ZNF397: variants seen among roughly 807,000 people sequenced by gnomAD.
ZNF397 encodes zinc finger and SCAN domain-containing protein 15.
A neutral mutation model predicts 50.6 loss-of-function variants in ZNF397; 38 were observed. The observed-to-expected ratio is 0.75, with a 90% CI of 0.58 to 0.98. The LOEUF (loss-of-function observed/expected upper bound fraction) is 0.98, where lower values mean the gene tolerates loss of function less well. ZNF397 is among the 50% of genes least tolerant of loss of function. The probability of loss-of-function intolerance (pLI) is 0.00; values close to 1 mark genes in which losing one functional copy is unlikely to be tolerated. For missense variants in ZNF397, 624 were observed against 624.1 expected (o/e 1.00, Z 0.00); for synonymous variants, 228 against 215.2 (o/e 1.06, Z -0.52).
rs2043472845 is a variant in ZNF397 at position 35,245,959 on chromosome 18, T to C, written c.1254T>C (p.Ile418=). The C allele has an allele frequency of 8.8e-6, 14 of 1,582,222 alleles. No homozygotes were observed. Among genetic ancestry groups the C allele is most frequent in the Non-Finnish European group, 1.2e-5 (14 of 1,163,964 alleles). ...CAAAACTCATTAGACATCAGCGAAT[T>C]CACACAGGAGAGAGACCCTATGAAT... is the stretch of plus-strand genomic sequence containing the variant. ...QSSKLIRHQR[I]HTGERPYECN... Residue 418 remains isoleucine (I), a synonymous_variant, in exon 4 of 4, where the codon ATT becomes ATC. Transcript: ENST00000330501.
chr18:35,250,768 A>G (rs1162254733), downstream of ZNF397, among the ~76,000 whole-genome samples: 1 of 152,202 alleles, frequency 6.6e-6, no homozygotes, highest in East Asian at 1.9e-4. Context: ...TAAAGGGAAG[A>G]GAGAGTCCTA....
chr18:35,251,858 GACTAAT>G (rs1159978266), downstream of ZNF397: 1 of 151,762 alleles, frequency 6.6e-6, no homozygotes, highest in Non-Finnish European at 1.5e-5. Flanking sequence ...TGTGAAAATG[GACTAAT>G]ACAAGCAGTG....
intron 5 of ZNF397, chr18:35,255,031 A>AC (rs1296741897): frequency 3.9e-5 from 6 of 153,766 alleles, no homozygotes; most frequent in Middle Eastern, 1.3e-3. Flanking sequence ...ACTTTAAAAA[A>AC]AATTTTGCAC....
rs1187372967 is a variant in ZNF397 at position 35,241,061 on chromosome 18, T to G, written c.-129T>G. 2.0e-5 allele frequency: 3 copies of G among 152,354 alleles called. No homozygotes were observed. The allele number at this position is 152,354 out of a possible 1,614,324, so 9.4% of individuals were successfully genotyped here. A position where few individuals can be genotyped will look rare whatever the true frequency, so the allele number is the denominator to read the frequency against. On this transcript the variant is annotated 5_prime_UTR_variant, in exon 1 of 4. Coordinates refer to ENST00000330501, the MANE Select transcript of ZNF397 (RefSeq NM_001135178.3). ...ACGCGCACTTCCGGTCTTTGTGGCT[T>G]GCAGCTCGGGGTGGGTGGCTCATTT... is the stretch of plus-strand genomic sequence containing the variant.
At position 35,248,659 on chromosome 18, in the gene ZNF397, A is replaced by G. The variant is rs1137281; in HGVS notation, c.*2349A>G. On this transcript the variant is annotated 3_prime_UTR_variant, in exon 4 of 4. Transcript: ENST00000330501. Reference sequence around the variant, plus strand: ...AGTTCAAGCCGAGCCTGGGCAGCATAGTGAGACCCCATCTCTACAAAAAAT... The same window carrying G: ...AGTTCAAGCCGAGCCTGGGCAGCATGGTGAGACCCCATCTCTACAAAAAAT... 6.6e-6 allele frequency: 1 copy of G among 152,296 alleles called. No homozygotes were observed. The highest frequency in any genetic ancestry group is 2.1e-4 in the South Asian group (1 of 4,824). The allele number at this position is 152,296 out of a possible 1,614,324, so 9.4% of individuals were successfully genotyped here. A position where few individuals can be genotyped will look rare whatever the true frequency, so the allele number is the denominator to read the frequency against.
intron 3 of ZNF397, 127 bp downstream of exon 3, chr18:35,243,420 G>T: frequency 7.2e-7 from 1 of 1,380,368 alleles, no homozygotes; most frequent in Non-Finnish European, 1.0e-6. Flanking sequence ...AACCAGAGGT[G>T]CTCGCTTTAG....
At chr18:35,255,476 GAGTT>G (rs1450095973) in intron 5 of ZNF397, among the ~76,000 whole-genome samples, 2 of 151,984 alleles carry the variant, frequency 1.3e-5, no homozygotes, top group East Asian at 3.9e-4. Flanking sequence ...TAATTGCTAA[GAGTT>G]AGGATTCAAA....
chr18:35,253,348 A>G, downstream of ZNF397: 1 of 881,792 alleles, frequency 1.1e-6, no homozygotes, highest in Non-Finnish European at 1.7e-6. Context: ...CTGGGAGGGA[A>G]GGACAGAAGT....
Position 35,245,716 on chromosome 18 carries a change from T to TGAATTCACA in ZNF397, c.1013_1014insATTCACAGA (p.Glu338_Lys339insPheThrGlu). On this transcript the variant is annotated inframe_insertion, in exon 4 of 4. Transcript: ENST00000330501. ...TTATTCATCAGAGAATTCATAGTGG[T>TGAATTCACA]GAGAAAGCATATGAATGTAGTGAAT... 6.4e-7 allele frequency: 1 copy of TGAATTCACA among 1,552,068 alleles called. No individual in the cohort carries two copies. Among genetic ancestry groups the TGAATTCACA allele is most frequent in the South Asian group, 1.2e-5 (1 of 84,068 alleles).
rs192050328 is a variant in ZNF397 at position 35,245,446 on chromosome 18, C to T, written c.741C>T (p.Ile247=). ...PSQGGSFSQV[I]FTNKSLGKRD... is the part of the protein sequence containing the mutation. ...AAGGGGGCAGTTTTAGTCAAGTGATCTTCACAAACAAATCTCTAGGAAAGA... is the reference window on the plus strand; with the variant it reads ...AAGGGGGCAGTTTTAGTCAAGTGATTTTCACAAACAAATCTCTAGGAAAGA... Residue 247 remains isoleucine (I), a synonymous_variant, in exon 4 of 4, where the codon ATC becomes ATT. Coordinates refer to ENST00000330501, the MANE Select transcript of ZNF397 (RefSeq NM_001135178.3). 4 of 1,557,330 alleles carry T rather than the reference C, an allele frequency of 2.6e-6. No homozygotes were observed. The African/African-American group carries it at 4.1e-5, about 16-fold the overall frequency.
chr18:35,254,055 C>T (rs759585403), downstream of ZNF397: 21 of 1,613,992 alleles, frequency 1.3e-5, no homozygotes, highest in East Asian at 2.7e-4. Flanking sequence ...CTAGTGTCAA[C>T]GCTCTGTTGT....
At position 35,245,595 on chromosome 18, in the gene ZNF397, A is replaced by G; in HGVS notation, c.890A>G (p.His297Arg). The G allele has an allele frequency of 1.9e-6, 3 of 1,553,446 alleles. No individual in the cohort carries two copies. Among genetic ancestry groups the G allele is most frequent in the Non-Finnish European group, 1.7e-6 (2 of 1,147,770 alleles). Residue 297 changes from histidine to arginine, a missense_variant, in exon 4 of 4, where the codon CAT becomes CGT. Transcript: ENST00000330501. ...GTATGTGGGCACAGCTTCAAGCAGC[A>G]TTCCTCTCTAACACAACATCAGAGA... is the stretch of plus-strand genomic sequence containing the variant. ...CDVCGHSFKQ[H>R]SSLTQHQRIH...
downstream of ZNF397, chr18:35,258,828 CCACTG>C (rs1674272704): frequency 7.7e-6 from 1 of 129,602 alleles, no homozygotes; most frequent in Non-Finnish European, 1.5e-5. Context: ...CAAGATCACA[CCACTG>C]CACTCTAGCT....
chr18:35,254,303 G>A (rs775943652), downstream of ZNF397: 18 of 1,614,046 alleles, frequency 1.1e-5, no homozygotes, highest in African/African-American at 6.7e-5. Flanking sequence ...TTTTCCCGGC[G>A]ATATCATAGC....
chr18:35,258,865 AT>A (rs2043934327), downstream of ZNF397: 1 of 102,650 alleles, frequency 9.7e-6, no homozygotes, highest in Non-Finnish European at 1.9e-5. Flanking sequence ...GCCAGACTCC[AT>A]CTCAAAAAAA....
In ZNF397 at chr18:35,245,947, ACAT is replaced by A; in HGVS notation, c.1245_1247del (p.His415del). ...TTAGCCAGAGCTCAAAACTCATTAGACATCAGCGAATTCACACAGGAGAGAGAC... is the reference window on the plus strand; with the variant it reads ...TTAGCCAGAGCTCAAAACTCATTAGACAGCGAATTCACACAGGAGAGAGAC... On this transcript the variant is annotated inframe_deletion, in exon 4 of 4. Transcript: ENST00000330501. 1 of 1,580,476 alleles carries A rather than the reference ACAT, an allele frequency of 6.3e-7. No individual in the cohort carries two copies. The highest frequency in any genetic ancestry group is 8.6e-7 in the Non-Finnish European group (1 of 1,162,970).
rs1355204564 is a variant in ZNF397 at position 35,246,145 on chromosome 18, T to A, written c.1440T>A (p.Pro480=). Residue 480 remains proline (P), a synonymous_variant, in exon 4 of 4, where the codon CCT becomes CCA. Coordinates refer to ENST00000330501, the MANE Select transcript of ZNF397 (RefSeq NM_001135178.3). The stretch of plus-strand genomic sequence containing the variant: ...AGAGAATTCATAGTGGGGAGGAACC[T>A]TATCAGTGTAATGAATGTGGCAAAA... The part of the protein sequence containing the change: ...RHQRIHSGEE[P]YQCNECGKTF... The A allele has an allele frequency of 1.9e-6, 3 of 1,551,264 alleles. No individual in the cohort carries two copies. The South Asian group carries it at 3.6e-5, about 18-fold the overall frequency.
At chr18:35,243,370 G>A (rs1359869756) in intron 3 of ZNF397, 77 bp downstream of exon 3, 5 of 1,606,170 alleles carry the variant, frequency 3.1e-6, no homozygotes, top group Non-Finnish European at 4.3e-6. Context: ...AATTGCACTT[G>A]ACAAACTTGC....
downstream of ZNF397, chr18:35,253,313 G>A (rs1166412384): frequency 1.7e-6 from 1 of 605,526 alleles, no homozygotes; most frequent in African/African-American, 1.8e-5. Flanking sequence ...ACATCTTTGT[G>A]TGCATGTCTT....
Sources: allele counts gnomAD v4.1 joint callset (sites outside exome capture counted in the v4.1 genomes callset), GRCh38; gene constraint gnomAD v4.1.1; transcripts MANE v1.5; gene names NCBI Gene and HGNC (gene_info 2026-07-23, HGNC 2026-07-21).